FNDC3A: variants seen among roughly 807,000 people sequenced by gnomAD.
FNDC3A encodes the protein fibronectin type III domain containing 3A, also known as fibronectin type-III domain-containing protein 3A.
FNDC3A carries 32 observed loss-of-function variants against 148.9 expected under a neutral mutation model. That is an observed-to-expected ratio of 0.21 (90% CI 0.16 to 0.29). FNDC3A has a LOEUF of 0.29. Ranked by LOEUF, FNDC3A falls within the 10% of genes least tolerant of loss-of-function variation. The probability of loss-of-function intolerance (pLI) is 1.00; values close to 1 mark genes in which losing one functional copy is unlikely to be tolerated. For missense variants in FNDC3A, 1,191 were observed against 1,452.8 expected, an observed-to-expected ratio of 0.82 and a Z score of 2.93; for synonymous variants, 472 against 473.6, an observed-to-expected ratio of 1.00 and a Z score of 0.04.
intron 2 of FNDC3A, among the ~76,000 whole-genome samples, chr13:49,064,482 G>A (rs1038764019): frequency 5.5e-5 from 7 of 126,412 alleles, no homozygotes; most frequent in Admixed American, 1.1e-4. Context: ...CACAGGTTTT[G>A]ACCAATAGAA....
intron 8 of FNDC3A, among the ~76,000 whole-genome samples, chr13:49,148,243 G>T (rs545988526): frequency 1.5e-3 from 223 of 151,400 alleles, no homozygotes; most frequent in African/African-American, 5.1e-3. Context: ...TCTTTTTTTT[G>T]TTGTTGCCTG....
At chr13:49,122,697 A>C (rs1284387413) in intron 4 of FNDC3A, among the ~76,000 whole-genome samples, 1 of 152,174 alleles carries the variant, frequency 6.6e-6, no homozygotes, top group Non-Finnish European at 1.5e-5. Flanking sequence ...ATTCCTATAC[A>C]CCAATAATAG....
chr13:49,030,008 C>CT (rs1873991773), intron 2 of FNDC3A, among the ~76,000 whole-genome samples: 1 of 152,120 alleles, frequency 6.6e-6, no homozygotes. Context: ...ACCCAGATGG[C>CT]TTTTTTGGTG....
At chr13:49,053,330 G>A (rs949727094) in intron 2 of FNDC3A, among the ~76,000 whole-genome samples, 37 of 152,322 alleles carry the variant, frequency 2.4e-4, no homozygotes, top group African/African-American at 8.9e-4. Flanking sequence ...CTGAGTGGGA[G>A]CTGCAAGCTA....
chr13:49,022,809 C>T (rs1226945439), intron 2 of FNDC3A, among the ~76,000 whole-genome samples: 3 of 152,070 alleles, frequency 2.0e-5, no homozygotes, highest in Non-Finnish European at 2.9e-5. Context: ...TTCTCCCACA[C>T]GTCTGCACCA....
intron 4 of FNDC3A, among the ~76,000 whole-genome samples, chr13:49,115,907 T>G (rs1351868004): frequency 1.3e-5 from 2 of 152,220 alleles, no homozygotes; most frequent in Non-Finnish European, 2.9e-5. Flanking sequence ...CTGATAAGAT[T>G]TACTACAGAT....
chr13:49,203,943 C>T (rs902517857), intron 25 of FNDC3A, among the ~76,000 whole-genome samples: 1 of 152,064 alleles, frequency 6.6e-6, no homozygotes, highest in East Asian at 1.9e-4. Context: ...TTTTACTCCA[C>T]GTGAAATGAG....
At chr13:48,976,414 G>A (rs905600735) in intron 1 of FNDC3A, among the ~76,000 whole-genome samples, 2 of 152,158 alleles carry the variant, frequency 1.3e-5, no homozygotes, top group Non-Finnish European at 2.9e-5. Context: ...TCGGGCACCT[G>A]CCGGGGCCGA....
chr13:49,056,327 C>T (rs1322016382), intron 2 of FNDC3A, among the ~76,000 whole-genome samples: 2 of 152,116 alleles, frequency 1.3e-5, no homozygotes, highest in Non-Finnish European at 2.9e-5. Context: ...CAGAAATTTG[C>T]TGTTCTAATT....
chr13:49,164,323 GTTT>G (rs1173921168), intron 8 of FNDC3A, among the ~76,000 whole-genome samples: 1 of 152,050 alleles, frequency 6.6e-6, no homozygotes, highest in East Asian at 1.9e-4. Flanking sequence ...AATTTTCTTT[GTTT>G]TTTACTTTTG....
At chr13:49,001,349 A>G (rs1952122608) in intron 1 of FNDC3A, among the ~76,000 whole-genome samples, 1 of 152,080 alleles carries the variant, frequency 6.6e-6, no homozygotes, top group Non-Finnish European at 1.5e-5. Flanking sequence ...TCGCCTCAGG[A>G]CCCTGTGATG....
chr13:49,067,875 C>T (rs1877370899), intron 2 of FNDC3A, among the ~76,000 whole-genome samples: 1 of 152,076 alleles, frequency 6.6e-6, no homozygotes, highest in Non-Finnish European at 1.5e-5. Context: ...AAGTAACATC[C>T]TACAGTAATT....
At chr13:49,197,098 A>G (rs903063538) in intron 20 of FNDC3A, 108 bp downstream of exon 20, 13 of 563,360 alleles carry the variant, frequency 2.3e-5, no homozygotes, top group Non-Finnish European at 3.6e-5. Context: ...ATACAGAGTA[A>G]GCCCTAGTTT....
intron 8 of FNDC3A, among the ~76,000 whole-genome samples, chr13:49,147,324 GGTCTCTAAGGAT>G (rs1362396579): frequency 6.6e-6 from 1 of 152,072 alleles, no homozygotes; most frequent in East Asian, 1.9e-4. Context: ...CAGGAATTAA[GGTCTCTAAGGAT>G]GCTACTGCAA....
chr13:49,040,782 A>G (rs1874862512), intron 2 of FNDC3A, among the ~76,000 whole-genome samples: 1 of 152,248 alleles, frequency 6.6e-6, no homozygotes, highest in Non-Finnish European at 1.5e-5. Flanking sequence ...ATCAATGATA[A>G]GAATCACAGA....
At chr13:49,203,101 A>T (rs1886494251) in intron 24 of FNDC3A, 56 bp from the exon 25 acceptor site, 20 of 1,146,292 alleles carry the variant, frequency 1.7e-5, no homozygotes, top group East Asian at 2.4e-5. Flanking sequence ...TGTCTGCATG[A>T]TGTACCAAAT....
intron 1 of FNDC3A, among the ~76,000 whole-genome samples, chr13:48,984,662 T>C (rs974527186): frequency 2.0e-5 from 3 of 152,062 alleles, no homozygotes; most frequent in African/African-American, 7.2e-5. Context: ...AAGTTCCAGG[T>C]GGACTAAATG....
intron 1 of FNDC3A, chr13:48,976,784 G>C (rs1951610556): frequency 6.6e-6 from 1 of 152,302 alleles, no homozygotes; most frequent in Non-Finnish European, 1.5e-5. Flanking sequence ...CCAGTACCTG[G>C]CAGTTCCTCT....
intron 2 of FNDC3A, among the ~76,000 whole-genome samples, chr13:49,008,242 G>A (rs142376558): frequency 6.5e-4 from 99 of 152,286 alleles, no homozygotes; most frequent in African/African-American, 2.0e-3. Context: ...CATATGAAGT[G>A]TAAAGAGTGA....
Sources: gnomAD v4.1 joint callset for allele counts (sites outside exome capture counted in the v4.1 genomes callset) on GRCh38, gnomAD v4.1.1 for gene constraint, MANE v1.5 for transcripts, NCBI Gene and HGNC (gene_info 2026-07-23, HGNC 2026-07-21) for gene names.